The following KCNK9 variants were observed in gnomAD, a reference collection of about 807,000 sequenced individuals.
KCNK9 encodes potassium channel subfamily K member 9.
In KCNK9, 1 loss-of-function variant was observed where a neutral mutation model predicts 10.8. The ratio of observed to expected loss-of-function variants is 0.09; its 90% confidence interval spans 0.03 to 0.44. The LOEUF (loss-of-function observed/expected upper bound fraction) is 0.44, where lower values mean the gene tolerates loss of function less well. Ranked by LOEUF, KCNK9 falls within the 20% of genes least tolerant of loss-of-function variation. The probability of loss-of-function intolerance (pLI) is 0.97; values close to 1 mark genes in which losing one functional copy is unlikely to be tolerated. For missense variants in KCNK9, 303 were observed against 515.0 expected, an observed-to-expected ratio of 0.59 and a Z score of 3.98; for synonymous variants, 231 against 222.7, an observed-to-expected ratio of 1.04 and a Z score of -0.33.
intron 1 of KCNK9, among the ~76,000 whole-genome samples, chr8:139,677,695 C>A (rs1377474109): frequency 2.7e-5 from 4 of 149,136 alleles, no homozygotes; most frequent in Non-Finnish European, 5.9e-5. Flanking sequence ...TGGGTTCCCA[C>A]AGCTGCAGAG....
intron 1 of KCNK9, among the ~76,000 whole-genome samples, chr8:139,629,270 C>T (rs1226003052): frequency 6.6e-6 from 1 of 152,244 alleles, no homozygotes; most frequent in African/African-American, 2.4e-5. Flanking sequence ...TGCGGGGGCG[C>T]CCCTGGGGAG....
At chr8:139,636,277 C>G (rs950611019) in intron 1 of KCNK9, among the ~76,000 whole-genome samples, 2 of 152,234 alleles carry the variant, frequency 1.3e-5, no homozygotes, top group African/African-American at 4.8e-5. Context: ...ACAGTTCACG[C>G]AGTTCTCAAG....
rs1030656712 is a variant in KCNK9, at chr8:139,702,622, C to G, written c.283+88G>C. On this transcript the variant is annotated intron_variant, in intron 1 of 1. Transcript: ENST00000520439. The surrounding 1 kb of genome is among the most constrained non-coding windows in gnomAD (Gnocchi z 7.5). ...GGGAGGCTGCGTTTAACCCTCGACGCCCTGCACCCAGCCCGGCGCGGCGCG... is the reference window on the plus strand; with the variant it reads ...GGGAGGCTGCGTTTAACCCTCGACGGCCTGCACCCAGCCCGGCGCGGCGCG... The G allele has an allele frequency of 1.4e-6, 2 of 1,386,070 alleles. No homozygotes were observed. Among genetic ancestry groups the G allele is most frequent in the Non-Finnish European group, 1.9e-6 (2 of 1,025,688 alleles). 85.9% of individuals were successfully genotyped at this position (1,386,070 alleles called of 1,614,324 possible).
At chr8:139,606,123 G>T (rs761842580) in intron 2 of KCNK9, among the ~76,000 whole-genome samples, 17 of 152,150 alleles carry the variant, frequency 1.1e-4, no homozygotes, top group Admixed American at 2.6e-4. Flanking sequence ...ACCACAATGG[G>T]CCTGTTCAAA....
At chr8:139,606,037 G>C (rs1295236898) in intron 2 of KCNK9, among the ~76,000 whole-genome samples, 1 of 152,096 alleles carries the variant, frequency 6.6e-6, no homozygotes, top group Non-Finnish European at 1.5e-5. Flanking sequence ...TTTGAATTTG[G>C]TTCTCTATGG....
intron 1 of KCNK9, among the ~76,000 whole-genome samples, chr8:139,700,508 ACGCGCGCGCG>A (rs1218216062): frequency 1.7e-5 from 2 of 118,302 alleles, no homozygotes; most frequent in African/African-American, 8.2e-5. Context: ...ACACACACAC[ACGCGCGCGCG>A]CGCACACACA....
downstream of KCNK9, chr8:139,616,973 G>A (rs139472149): frequency 6.6e-6 from 1 of 152,078 alleles, no homozygotes; most frequent in East Asian, 1.9e-4. Flanking sequence ...TGAGAGTAGG[G>A]AGGAATTTCT....
In KCNK9 at chr8:139,623,755, G is replaced by A. The variant is rs936045254; in HGVS notation, c.284-4656C>T. Among the ~76,000 whole-genome samples the A allele has an allele frequency of 6.6e-5, 10 of 152,024 alleles. No homozygotes were observed. The East Asian group carries it at 7.7e-4, about 12-fold the overall frequency. On this transcript the variant is annotated intron_variant, in intron 1 of 1. Transcript: ENST00000520439. ...AGAAGTCCCACCCACCACTGGCCAC[G>A]CTTCCCTCATCATAAAGGGGTCACT...
chr8:139,625,582 CAGCTTTGCCCAAG>C (rs1294844683), intron 1 of KCNK9, among the ~76,000 whole-genome samples: 1 of 152,216 alleles, frequency 6.6e-6, no homozygotes, highest in Non-Finnish European at 1.5e-5. Context: ...TGGCTGGGGG[CAGCTTTGCCCAAG>C]ACACAGCATC....
At chr8:139,675,222 T>C (rs1165518080) in intron 1 of KCNK9, among the ~76,000 whole-genome samples, 1 of 152,122 alleles carries the variant, frequency 6.6e-6, no homozygotes, top group Non-Finnish European at 1.5e-5. Flanking sequence ...TGGGGCCGCA[T>C]GAAAAGGGTG....
Position 139,660,796 on chromosome 8 carries a change from C to A in KCNK9, c.284-41697G>T, listed in dbSNP as rs77785792. 7.5e-3 allele frequency among the ~76,000 whole-genome samples: 1,137 copies of A among 152,188 alleles called. 13 individuals are homozygous for A. Among genetic ancestry groups the A allele is most frequent in the African/African-American group, 0.026 (1,081 of 41,504 alleles). ...GTTTTGAGAAGATATGTCTTGCAACCATTCCCATTTTCCAGATGGGAAAAT... is the reference window on the plus strand; with the variant it reads ...GTTTTGAGAAGATATGTCTTGCAACAATTCCCATTTTCCAGATGGGAAAAT... On this transcript the variant is annotated intron_variant, in intron 1 of 1. Transcript: ENST00000520439.
At chr8:139,643,532 C>T (rs901567932) in intron 1 of KCNK9, among the ~76,000 whole-genome samples, 6 of 152,214 alleles carry the variant, frequency 3.9e-5, no homozygotes, top group Non-Finnish European at 8.8e-5. Context: ...CCAAGGTCAC[C>T]GTGCACAGGC....
intron 1 of KCNK9, among the ~76,000 whole-genome samples, chr8:139,654,302 C>T (rs990445108): frequency 8.5e-5 from 13 of 152,220 alleles, no homozygotes; most frequent in Admixed American, 7.2e-4. Context: ...CGTTCAGCCC[C>T]CTTCATCTGG....
chr8:139,643,420 G>A (rs1024153610), intron 1 of KCNK9, among the ~76,000 whole-genome samples: 1 of 152,228 alleles, frequency 6.6e-6, no homozygotes, highest in African/African-American at 2.4e-5. Context: ...GGACTCAGCT[G>A]CAGCAAGACC....
At chr8:139,648,846 G>A (rs1208966279) in intron 1 of KCNK9, among the ~76,000 whole-genome samples, 1 of 152,204 alleles carries the variant, frequency 6.6e-6, no homozygotes, top group Non-Finnish European at 1.5e-5. Flanking sequence ...CCTCTGGGCT[G>A]GATGGGGTGT....
chr8:139,687,548 T>A (rs1816834025), intron 1 of KCNK9, among the ~76,000 whole-genome samples: 7 of 127,790 alleles, frequency 5.5e-5, no homozygotes, highest in African/African-American at 2.2e-4. Context: ...ACACATATAT[T>A]CATATATATG....
chr8:139,610,682 G>A (rs190693627), downstream of KCNK9, among the ~76,000 whole-genome samples: 288 of 152,318 alleles, frequency 1.9e-3, 2 homozygotes, highest in Non-Finnish European at 3.0e-3. Flanking sequence ...GACCCAGGAG[G>A]GACATCTAGA....
intron 2 of KCNK9, among the ~76,000 whole-genome samples, chr8:139,604,918 C>T (rs759736515): frequency 2.0e-5 from 3 of 152,140 alleles, no homozygotes; most frequent in South Asian, 2.1e-4. Flanking sequence ...CAGCATCTCC[C>T]GTTAATCTCT....
chr8:139,628,995 G>T (rs183413321), intron 1 of KCNK9, among the ~76,000 whole-genome samples: 36 of 152,308 alleles, frequency 2.4e-4, no homozygotes, highest in African/African-American at 8.4e-4. Context: ...AGCACCGCTT[G>T]CAGTGGCCTT....
Sources: allele counts gnomAD v4.1 joint callset (sites outside exome capture counted in the v4.1 genomes callset), GRCh38; gene constraint gnomAD v4.1.1; non-coding constraint Gnocchi (gnomAD v3.1); transcripts MANE v1.5; gene names NCBI Gene and HGNC (gene_info 2026-07-23, HGNC 2026-07-21).